The following KCNH1 variants were observed in gnomAD, a reference collection of about 807,000 sequenced individuals.
KCNH1 encodes the protein potassium voltage-gated channel subfamily H member 1.
KCNH1 carries 27 observed loss-of-function variants against 69.2 expected under a neutral mutation model. The observed-to-expected ratio is 0.39, with a 90% confidence interval of 0.29 to 0.54. The LOEUF is 0.54. KCNH1 is among the 20% of genes least tolerant of loss of function. KCNH1 has a pLI of 0.68. For missense variants in KCNH1, 798 were observed against 1,261.6 expected, an observed-to-expected ratio of 0.63 and a Z score of 5.57; for synonymous variants, 456 against 487.7, an observed-to-expected ratio of 0.93 and a Z score of 0.86.
chr1:211,032,120 G>C (rs890864220), intron 5 of KCNH1, among the ~76,000 whole-genome samples: 8 of 152,180 alleles, frequency 5.3e-5, no homozygotes, highest in African/African-American at 1.7e-4. Context: ...ACCAATAACA[G>C]ACAAACAGAG....
intron 6 of KCNH1, among the ~76,000 whole-genome samples, chr1:211,003,929 T>C (rs939136826): frequency 6.6e-6 from 1 of 151,952 alleles, no homozygotes; most frequent in Non-Finnish European, 1.5e-5. Flanking sequence ...CCGTCTCTAC[T>C]AAAAATACAA....
rs1190117667 is a variant in KCNH1 at position 210,801,224 on chromosome 1, AT to A, written c.1662+2742del. On this transcript the variant is annotated intron_variant, in intron 8 of 10. Transcript: ENST00000271751. ...ACAGGCTTGGAGAGAGACAAGTGAT[AT>A]GCTCAAAGTCACCAGCTAATAGCTG... Among the ~76,000 whole-genome samples, 3 of 152,228 alleles carry A rather than the reference AT, an allele frequency of 2.0e-5. No individual in the cohort carries two copies. In the East Asian group the frequency reaches 5.8e-4, roughly 29 times the overall value.
At chr1:210,763,204 G>A (rs1400840033) in intron 10 of KCNH1, among the ~76,000 whole-genome samples, 4 of 151,920 alleles carry the variant, frequency 2.6e-5, no homozygotes, top group African/African-American at 9.7e-5. Flanking sequence ...CAAAAAACTG[G>A]GAATTGAAGG....
intron 10 of KCNH1, among the ~76,000 whole-genome samples, chr1:210,684,357 A>G (rs1681361170): frequency 6.6e-6 from 1 of 152,116 alleles, no homozygotes; most frequent in Non-Finnish European, 1.5e-5. Context: ...ACAGCAGGGA[A>G]TTGACTCCCT....
chr1:210,984,803 T>C (rs1473003477), intron 6 of KCNH1, among the ~76,000 whole-genome samples: 1 of 152,208 alleles, frequency 6.6e-6, no homozygotes, highest in Non-Finnish European at 1.5e-5. Context: ...TCTCATAAAA[T>C]GAGTTAGGGA....
chr1:210,844,823 A>G (rs1363099712), intron 7 of KCNH1, among the ~76,000 whole-genome samples: 5 of 152,220 alleles, frequency 3.3e-5, no homozygotes, highest in Admixed American at 2.0e-4. Context: ...AAATTGATAG[A>G]TCGCTAGCAA....
rs535357878 is a variant in KCNH1 at position 211,035,317 on chromosome 1, C to T, written c.559-16061G>A. On this transcript the variant is annotated intron_variant, in intron 5 of 10. Transcript: ENST00000271751. ...AGGCTGGAGTGCAGTGGCGGGATCT[C>T]GGCTCACTGCAAGCTCCGCCTCCCG... is the stretch of plus-strand genomic sequence containing the variant. 3.9e-5 allele frequency among the ~76,000 whole-genome samples: 5 copies of T among 127,496 alleles called. No homozygotes were observed. The East Asian group carries it at 7.3e-4, about 19-fold the overall frequency. The allele number at this position is 127,496 out of a possible 152,430, so 83.6% of individuals were successfully genotyped here.
rs1326818694 is a variant in KCNH1, at chr1:210,680,119, C to T, written c.*3162G>A. ...GCCCATTGCTGGAGTCAATGCCCCC[C>T]CACCAAGAACAAACACCACCTCATT... is the stretch of plus-strand genomic sequence containing the variant. On this transcript the variant is annotated 3_prime_UTR_variant, in exon 11 of 11. Transcript: ENST00000271751. The T allele has an allele frequency of 6.6e-6, 1 of 152,074 alleles. No homozygotes were observed. The highest frequency in any genetic ancestry group is 6.5e-5 in the Admixed American group (1 of 15,268). 9.4% of individuals were successfully genotyped at this position (152,074 alleles called of 1,614,324 possible). A position where few individuals can be genotyped will look rare whatever the true frequency, so the allele number is the denominator to read the frequency against.
At position 211,050,260 on chromosome 1, in the gene KCNH1, T is replaced by TAAAAA. The variant is rs747498526; in HGVS notation, c.559-31009_559-31005dup. The stretch of plus-strand genomic sequence containing the variant: ...AGGACAAACTCAGCCCACACATTCT[T>TAAAAA]AAAAAAAAAAAAAAAAAAAAAAAAA... On this transcript the variant is annotated intron_variant, in intron 5 of 10. Transcript: ENST00000271751. Among the ~76,000 whole-genome samples, 194 of 58,544 alleles carry TAAAAA rather than the reference T, an allele frequency of 3.3e-3. 27 individuals are homozygous for TAAAAA. The highest frequency in any genetic ancestry group is 0.012 in the African/African-American group (174 of 14,138). 38.4% of individuals were successfully genotyped at this position (58,544 alleles called of 152,430 possible).
intron 8 of KCNH1, 103 bp from the exon 9 acceptor site, chr1:210,797,863 T>A: frequency 7.5e-7 from 1 of 1,324,926 alleles, no homozygotes; most frequent in South Asian, 1.4e-5. Context: ...TACGCCAGAC[T>A]GCACTCTTCT....
intron 7 of KCNH1, among the ~76,000 whole-genome samples, chr1:210,883,763 A>G (rs891776470): frequency 1.3e-5 from 2 of 152,238 alleles, no homozygotes. Context: ...GCCCATTTTC[A>G]TTAACGCCAA....
At chr1:210,975,250 C>A (rs916492157) in intron 6 of KCNH1, among the ~76,000 whole-genome samples, 1 of 152,104 alleles carries the variant, frequency 6.6e-6, no homozygotes, top group Admixed American at 6.6e-5. Context: ...AGCTGTCTAT[C>A]AATTTTGTTG....
At chr1:211,092,165 TAGAG>T (rs1363242944) in intron 3 of KCNH1, among the ~76,000 whole-genome samples, 8 of 152,210 alleles carry the variant, frequency 5.3e-5, no homozygotes, top group Admixed American at 3.9e-4. Context: ...TTTTGTGAGA[TAGAG>T]AGCAGAAAAC....
chr1:210,821,078 T>C (rs1402410890), intron 7 of KCNH1, among the ~76,000 whole-genome samples: 2 of 152,236 alleles, frequency 1.3e-5, no homozygotes, highest in East Asian at 1.9e-4. Flanking sequence ...ATCATACTAA[T>C]GGGTAATGAA....
intron 9 of KCNH1, among the ~76,000 whole-genome samples, chr1:210,794,301 G>T (rs1262873692): frequency 6.6e-6 from 1 of 152,152 alleles, no homozygotes; most frequent in Non-Finnish European, 1.5e-5. Flanking sequence ...TATTGAGCTT[G>T]GACCTACTTT....
chr1:211,029,436 C>T (rs1028831117), intron 5 of KCNH1, among the ~76,000 whole-genome samples: 1 of 144,266 alleles, frequency 6.9e-6, no homozygotes, highest in Admixed American at 7.1e-5. Context: ...TATTAACAGG[C>T]TAATGAAAAA....
In KCNH1 at chr1:210,919,671, C is replaced by T. The variant is rs1687419579; in HGVS notation, c.1431G>A (p.Lys477=). 6.2e-7 allele frequency: 1 copy of T among 1,614,120 alleles called. No individual in the cohort carries two copies. The highest frequency in any genetic ancestry group is 8.5e-7 in the Non-Finnish European group (1 of 1,179,980). Residue 477 remains lysine, a synonymous_variant, in exon 7 of 11, where the codon AAG becomes AAA. Transcript: ENST00000271751. The surrounding 1 kb of genome is among the most constrained non-coding windows in gnomAD (Gnocchi z 4.2). Reference sequence around the variant, plus strand: ...TCATCATGATGGCCACTGCAAAGATCTTCTCAATGTCTGTGGATGGGGCGA... The same window carrying T: ...TCATCATGATGGCCACTGCAAAGATTTTCTCAATGTCTGTGGATGGGGCGA... The part of the protein sequence containing the change: ...GNIAPSTDIE[K]IFAVAIMMIG...
intron 1 of KCNH1, among the ~76,000 whole-genome samples, chr1:211,112,047 A>G (rs370048026): frequency 4.5e-4 from 55 of 122,070 alleles, no homozygotes; most frequent in East Asian, 1.4e-3. Context: ...CTACTGCACC[A>G]TCTAGGAAGT....
chr1:210,874,037 C>A (rs1686312364), intron 7 of KCNH1, among the ~76,000 whole-genome samples: 1 of 152,124 alleles, frequency 6.6e-6, no homozygotes, highest in African/African-American at 2.4e-5. Flanking sequence ...TGACATAATT[C>A]TGGCCAATGA....
Sources: allele counts gnomAD v4.1 joint callset (sites outside exome capture counted in the v4.1 genomes callset), GRCh38; gene constraint gnomAD v4.1.1; non-coding constraint Gnocchi (gnomAD v3.1); transcripts MANE v1.5; gene names NCBI Gene and HGNC (gene_info 2026-07-23, HGNC 2026-07-21).